CACNA1B: variants seen among roughly 807,000 people sequenced by gnomAD.
CACNA1B encodes calcium voltage-gated channel subunit alpha1 B.
Under a neutral mutation model 247.2 loss-of-function variants are expected in CACNA1B, and 70 were observed. The ratio of observed to expected loss-of-function variants is 0.28; its 90% CI spans 0.23 to 0.35. The LOEUF (loss-of-function observed/expected upper bound fraction) is 0.35. Among genes scored for constraint, CACNA1B ranks in the 10% least tolerant of loss-of-function variants. The probability of loss-of-function intolerance (pLI) is 1.00; values close to 1 mark genes in which losing one functional copy is unlikely to be tolerated. For missense variants in CACNA1B, 2,367 were observed against 3,197.4 expected, an observed-to-expected ratio of 0.74 and a Z score of 6.26; for synonymous variants, 1,231 against 1,294.4, an observed-to-expected ratio of 0.95 and a Z score of 1.05.
chr9:137,894,566 G>A (rs1366643867), intron 3 of CACNA1B, among the ~76,000 whole-genome samples: 3 of 151,790 alleles, frequency 2.0e-5, no homozygotes, highest in Non-Finnish European at 4.4e-5. Flanking sequence ...CCGCCACCAC[G>A]CCCGGCTCAT....
At chr9:138,097,926 C>G (rs941189953) in intron 37 of CACNA1B, among the ~76,000 whole-genome samples, 22 of 152,172 alleles carry the variant, frequency 1.4e-4, no homozygotes, top group African/African-American at 4.6e-4. Flanking sequence ...CCCCGGAGCA[C>G]CCCCACCTTC....
At chr9:137,893,348 C>T (rs539768068) in intron 3 of CACNA1B, among the ~76,000 whole-genome samples, 5 of 114,806 alleles carry the variant, frequency 4.4e-5, no homozygotes, top group Middle Eastern at 3.7e-3. Context: ...TAACAACTCC[C>T]CCCTTTAAAA....
In CACNA1B at chr9:137,984,254, C is replaced by CG; in HGVS notation, c.1769+5dup. The stretch of plus-strand genomic sequence containing the variant: ...TGAGGATCTTCAAAGTCACGAAGTA[C>CG]GTCCCCTGCGCTCCCAGGCGAGGGC... On this transcript the variant is annotated splice_donor_region_variant and intron_variant, in intron 13 of 46. Coordinates refer to ENST00000371372, the MANE Select transcript of CACNA1B (RefSeq NM_000718.4). 6.4e-7 allele frequency: 1 copy of CG among 1,567,360 alleles called. No individual in the cohort carries two copies. The highest frequency in any genetic ancestry group is 8.7e-7 in the Non-Finnish European group (1 of 1,153,770).
At position 138,051,316 on chromosome 9, in the gene CACNA1B, C is replaced by A. The variant is rs1327639002; in HGVS notation, c.3711-776C>A. Among the ~76,000 whole-genome samples the A allele has an allele frequency of 6.6e-6, 1 of 151,762 alleles. No homozygotes were observed. The highest frequency in any genetic ancestry group is 1.5e-5 in the Non-Finnish European group (1 of 67,988). On this transcript the variant is annotated intron_variant, in intron 24 of 46. Transcript: ENST00000371372. This position sits in a 1 kb window ranked among gnomAD's most constrained non-coding sequence, Gnocchi z 4.3. ...TTCTTGGAGGGGCCCTGATTGAGGC[C>A]CTCTGGTTCTGTACTTCTGCTTGCT...
At chr9:138,119,954 G>C (rs190141295) in intron 44 of CACNA1B, among the ~76,000 whole-genome samples, 41 of 152,274 alleles carry the variant, frequency 2.7e-4, no homozygotes, top group African/African-American at 9.9e-4. Flanking sequence ...TTCCTGGCAC[G>C]ACACATGGGA....
rs200092070 is a variant in CACNA1B, at chr9:138,025,012, A to G, written c.3126A>G (p.Thr1042=). 6.9e-6 allele frequency: 11 copies of G among 1,601,010 alleles called. No individual in the cohort carries two copies. The highest frequency in any genetic ancestry group is 8.5e-6 in the Non-Finnish European group (10 of 1,173,834). Residue 1042 remains threonine, a synonymous_variant, in exon 20 of 47, where the codon ACA becomes ACG. Transcript: ENST00000371372. ...SGTVTVGPMH[T]LPSTCLQKVE... ...CTGTGACTGTGGGTCCCATGCACAC[A>G]CTGCCCAGCACCTGTCTCCAGAAGG...
Position 137,881,688 on chromosome 9 carries a change from C to T in CACNA1B, c.391-1056C>T, listed in dbSNP as rs1484321753. On this transcript the variant is annotated intron_variant, in intron 2 of 46. Coordinates refer to ENST00000371372, the MANE Select transcript of CACNA1B (RefSeq NM_000718.4). This position sits in a 1 kb window ranked among gnomAD's most constrained non-coding sequence, Gnocchi z 4.3. ...CTTGCACAGGGCCTTTCCCTGCCAGCCCCACGCGTGTGCTCACGAGGAGTC... is the reference window on the plus strand; with the variant it reads ...CTTGCACAGGGCCTTTCCCTGCCAGTCCCACGCGTGTGCTCACGAGGAGTC... 6.6e-6 allele frequency among the ~76,000 whole-genome samples: 1 copy of T among 152,216 alleles called. No individual in the cohort carries two copies. Among genetic ancestry groups the T allele is most frequent in the African/African-American group, 2.4e-5 (1 of 41,474 alleles).
intron 15 of CACNA1B, among the ~76,000 whole-genome samples, chr9:137,988,599 G>A (rs1958395724): frequency 1.3e-5 from 2 of 152,144 alleles, no homozygotes; most frequent in African/African-American, 2.4e-5. Flanking sequence ...GAAAATAAAA[G>A]GACCTAGACA....
chr9:138,067,084 GA>G (rs1474783636), intron 31 of CACNA1B, among the ~76,000 whole-genome samples: 1 of 152,178 alleles, frequency 6.6e-6, no homozygotes, highest in African/African-American at 2.4e-5. Context: ...ACGTGAAGGA[GA>G]ATATTGTGAA....
At chr9:138,076,758 G>A (rs1188678621) in intron 35 of CACNA1B, among the ~76,000 whole-genome samples, 1 of 152,226 alleles carries the variant, frequency 6.6e-6, no homozygotes, top group Non-Finnish European at 1.5e-5. Context: ...GCTCTTTTAG[G>A]GATTTGCCAT....
At chr9:137,945,409 C>A (rs1031640650) in intron 6 of CACNA1B, among the ~76,000 whole-genome samples, 1 of 152,220 alleles carries the variant, frequency 6.6e-6, no homozygotes, top group Non-Finnish European at 1.5e-5. Context: ...AGGGCATCCC[C>A]ACCTCTGGGG....
intron 20 of CACNA1B, among the ~76,000 whole-genome samples, chr9:138,030,070 C>G (rs1434789986): frequency 6.6e-6 from 1 of 152,142 alleles, no homozygotes; most frequent in African/African-American, 2.4e-5. Flanking sequence ...CCTTTTATTT[C>G]CCTGTCTTCC....
Position 138,007,803 on chromosome 9 carries a change from C to T in CACNA1B, c.2092+919C>T, listed in dbSNP as rs766785004. 6.6e-5 allele frequency among the ~76,000 whole-genome samples: 10 copies of T among 152,194 alleles called. No individual in the cohort carries two copies. The highest frequency in any genetic ancestry group is 9.7e-5 in the African/African-American group (4 of 41,448). ...AGACAATGTCTCACAGTCGACCTCCCGGCTCTGCTTCTACCCCGAACTTCT... is the reference window on the plus strand; with the variant it reads ...AGACAATGTCTCACAGTCGACCTCCTGGCTCTGCTTCTACCCCGAACTTCT... On this transcript the variant is annotated intron_variant, in intron 16 of 46. Transcript: ENST00000371372. This position sits in a 1 kb window ranked among gnomAD's most constrained non-coding sequence, Gnocchi z 4.1.
At chr9:138,069,479 T>C (rs1165542355) in intron 31 of CACNA1B, among the ~76,000 whole-genome samples, 2 of 152,238 alleles carry the variant, frequency 1.3e-5, no homozygotes, top group Non-Finnish European at 2.9e-5. Flanking sequence ...TATGTTTTGA[T>C]CTGATATATT....
At position 137,954,862 on chromosome 9, in the gene CACNA1B, G is replaced by GTGTGTGTGTGTGTGTGTA. The variant is rs1957926657; in HGVS notation, c.1071-819_1071-818insATGTGTGTGTGTGTGTGT. The stretch of plus-strand genomic sequence containing the variant: ...ACTCCACCAACTCAGAAGCTTGTGT[G>GTGTGTGTGTGTGTGTGTA]TGTGTGTGTGTGTGTGTGAGAGAGA... On this transcript the variant is annotated intron_variant, in intron 7 of 46. Transcript: ENST00000371372. This position sits in a 1 kb window ranked among gnomAD's most constrained non-coding sequence, Gnocchi z 4.1. Among the ~76,000 whole-genome samples, 1 of 150,198 alleles carries GTGTGTGTGTGTGTGTGTA rather than the reference G, an allele frequency of 6.7e-6. No individual in the cohort carries two copies. The highest frequency in any genetic ancestry group is 6.6e-5 in the Admixed American group (1 of 15,200).
At chr9:138,015,780 T>A (rs1008943333) in intron 18 of CACNA1B, among the ~76,000 whole-genome samples, 1 of 152,118 alleles carries the variant, frequency 6.6e-6, no homozygotes, top group African/African-American at 2.4e-5. Context: ...GGGCCTCAGG[T>A]GACAGCTGCT....
chr9:138,108,308 C>CAAAAAAAA (rs935431476), intron 39 of CACNA1B, among the ~76,000 whole-genome samples: 18 of 44,052 alleles, frequency 4.1e-4, no homozygotes, highest in African/African-American at 7.6e-4. Flanking sequence ...AACCCCATCT[C>CAAAAAAAA]AAAAAAAAAA....
chr9:138,031,620 A>T (rs1958989290), intron 20 of CACNA1B, among the ~76,000 whole-genome samples: 1 of 152,190 alleles, frequency 6.6e-6, no homozygotes, highest in South Asian at 2.1e-4. Flanking sequence ...CCAGCTGTAA[A>T]TGTGGATTTA....
chr9:138,099,037 G>C (rs914312459), intron 37 of CACNA1B, among the ~76,000 whole-genome samples: 5 of 152,228 alleles, frequency 3.3e-5, no homozygotes, highest in Non-Finnish European at 7.3e-5. Flanking sequence ...TTTCCCAGGG[G>C]ACCACTCTAT....
Sources: gnomAD v4.1 joint callset for allele counts (sites outside exome capture counted in the v4.1 genomes callset) on GRCh38, gnomAD v4.1.1 for gene constraint, Gnocchi (gnomAD v3.1) non-coding constraint, MANE v1.5 for transcripts, NCBI Gene and HGNC (gene_info 2026-07-23, HGNC 2026-07-21) for gene names.